PPARGC1A: variants seen among roughly 807,000 people sequenced by gnomAD.
PPARGC1A encodes peroxisome proliferator-activated receptor gamma coactivator 1-alpha.
PPARGC1A carries 25 observed loss-of-function variants against 88.7 expected under a neutral mutation model. The ratio of observed to expected loss-of-function variants is 0.28; its 90% CI spans 0.21 to 0.39. The LOEUF (loss-of-function observed/expected upper bound fraction) is 0.39. PPARGC1A is among the 10% of genes least tolerant of loss of function. The pLI, the probability that PPARGC1A is intolerant of heterozygous loss-of-function variation, is 1.00. For missense variants in PPARGC1A, 880 were observed against 968.7 expected (o/e 0.91, Z 1.22); for synonymous variants, 363 against 355.6 (o/e 1.02, Z -0.24).
chr4:24,379,930 C>T, the PPARGC1A span, among the ~76,000 whole-genome samples: 1 of 151,978 alleles, frequency 6.6e-6, no homozygotes, highest in Admixed American at 6.6e-5. Context: ...AGACGCGCCC[C>T]ACCACACCTG....
the PPARGC1A span, among the ~76,000 whole-genome samples, chr4:24,460,770 G>A: frequency 6.6e-6 from 1 of 152,162 alleles, no homozygotes; most frequent in African/African-American, 2.4e-5. Flanking sequence ...GCCTCACAGT[G>A]TGTCCTCAAT....
the PPARGC1A span, among the ~76,000 whole-genome samples, chr4:24,197,911 G>C: frequency 6.6e-6 from 1 of 152,142 alleles, no homozygotes; most frequent in African/African-American, 2.4e-5. Context: ...AACATTGCTA[G>C]GTAGGAGACA....
the PPARGC1A span, among the ~76,000 whole-genome samples, chr4:24,336,848 A>C: frequency 6.6e-6 from 1 of 152,198 alleles, no homozygotes. Flanking sequence ...GGACTGCTTG[A>C]GGCCAAGAGT....
the PPARGC1A span, among the ~76,000 whole-genome samples, chr4:23,928,644 G>A: frequency 2.7e-5 from 4 of 150,882 alleles, no homozygotes; most frequent in Non-Finnish European, 5.9e-5. Flanking sequence ...AAAGATGCAT[G>A]AACACATATG....
the PPARGC1A span, among the ~76,000 whole-genome samples, chr4:23,962,040 G>T: frequency 6.6e-6 from 1 of 152,120 alleles, no homozygotes; most frequent in Non-Finnish European, 1.5e-5. Flanking sequence ...GTACGAAAAG[G>T]GTTAGGGGGA....
the PPARGC1A span, among the ~76,000 whole-genome samples, chr4:24,286,579 G>A: frequency 6.6e-6 from 1 of 152,146 alleles, no homozygotes; most frequent in African/African-American, 2.4e-5. Flanking sequence ...CCAAGGACCA[G>A]CCAACGCACA....
chr4:24,257,108 A>G, the PPARGC1A span, among the ~76,000 whole-genome samples: 1 of 152,156 alleles, frequency 6.6e-6, no homozygotes, highest in Non-Finnish European at 1.5e-5. Flanking sequence ...GCAGAGATAC[A>G]TCGAGGTTGG....
At chr4:24,380,295 G>A in the PPARGC1A span, among the ~76,000 whole-genome samples, 1 of 152,144 alleles carries the variant, frequency 6.6e-6, no homozygotes, top group African/African-American at 2.4e-5. Flanking sequence ...CTAATAAAGA[G>A]AGCAGTCTAG....
At chr4:24,250,766 G>T in the PPARGC1A span, among the ~76,000 whole-genome samples, 1 of 152,194 alleles carries the variant, frequency 6.6e-6, no homozygotes, top group African/African-American at 2.4e-5. Context: ...CAGGAAATGG[G>T]AGAGAACTCA....
chr4:24,361,548 C>T, the PPARGC1A span, among the ~76,000 whole-genome samples: 2 of 152,230 alleles, frequency 1.3e-5, no homozygotes, highest in East Asian at 3.9e-4. Context: ...TTTATATATC[C>T]TTGTCTATAG....
intron 2 of PPARGC1A, among the ~76,000 whole-genome samples, chr4:23,849,116 C>T (rs949103211): frequency 3.9e-5 from 6 of 152,134 alleles, no homozygotes; most frequent in African/African-American, 7.2e-5. Context: ...TGCACTCCAG[C>T]CTGGGCGACA....
At chr4:24,340,816 T>G in the PPARGC1A span, among the ~76,000 whole-genome samples, 7 of 152,130 alleles carry the variant, frequency 4.6e-5, no homozygotes, top group Non-Finnish European at 1.0e-4. Context: ...TATGATCTGC[T>G]GTATACATTT....
At chr4:24,070,833 G>A in the PPARGC1A span, among the ~76,000 whole-genome samples, 2 of 152,122 alleles carry the variant, frequency 1.3e-5, no homozygotes, top group South Asian at 2.1e-4. Context: ...TTCTGCAGCC[G>A]TGAATAAAGT....
chr4:24,025,936 C>T, the PPARGC1A span, among the ~76,000 whole-genome samples: 142,126 of 152,200 alleles, frequency 0.93, 66,411 homozygotes, highest in Admixed American at 0.95. Flanking sequence ...AAGATTCTTT[C>T]TGAGAATCTT....
chr4:24,184,227 A>G, the PPARGC1A span, among the ~76,000 whole-genome samples: 1 of 152,208 alleles, frequency 6.6e-6, no homozygotes, highest in Non-Finnish European at 1.5e-5. Context: ...AGAGTTTGGT[A>G]CTTTTATTAT....
chr4:24,416,652 G>T, the PPARGC1A span, among the ~76,000 whole-genome samples: 1 of 152,194 alleles, frequency 6.6e-6, no homozygotes, highest in African/African-American at 2.4e-5. Context: ...AGGAAGCATG[G>T]AACTGGCCCG....
chr4:23,796,666 A>C (rs527573162), intron 12 of PPARGC1A, among the ~76,000 whole-genome samples: 1 of 152,316 alleles, frequency 6.6e-6, no homozygotes, highest in Admixed American at 6.5e-5. Context: ...AAGCAAAGTA[A>C]AATTCTGTTA....
At chr4:24,345,637 G>A in the PPARGC1A span, among the ~76,000 whole-genome samples, 17 of 152,088 alleles carry the variant, frequency 1.1e-4, no homozygotes, top group African/African-American at 4.1e-4. Flanking sequence ...TCTTGTATCC[G>A]GAAACTTTGC....
At chr4:24,338,835 T>C in the PPARGC1A span, among the ~76,000 whole-genome samples, 1 of 152,154 alleles carries the variant, frequency 6.6e-6, no homozygotes, top group East Asian at 1.9e-4. Flanking sequence ...ACTGGGATGT[T>C]AGCCTCCCTT....
Sources: allele counts gnomAD v4.1 joint callset (sites outside exome capture counted in the v4.1 genomes callset), GRCh38; gene constraint gnomAD v4.1.1; transcripts MANE v1.5; gene names NCBI Gene and HGNC (gene_info 2026-07-23, HGNC 2026-07-21).